Variants in PACRGL observed in about 807,000 individuals in gnomAD.
PACRGL encodes PACRG-like protein.
In PACRGL, 38 loss-of-function variants were observed where a neutral mutation model predicts 34.5. That is an observed-to-expected ratio of 1.10 (90% CI 0.85 to 1.44). The LOEUF is 1.44. Ranked by LOEUF, PACRGL falls within the 40% of genes most tolerant of loss-of-function variation. PACRGL has a pLI of 0.00. For missense variants in PACRGL, 305 were observed against 281.4 expected, an observed-to-expected ratio of 1.08 and a Z score of -0.60; for synonymous variants, 128 against 100.1, an observed-to-expected ratio of 1.28 and a Z score of -1.66.
At chr4:20,754,065 C>T (rs1754096512), downstream of PACRGL, among the ~76,000 whole-genome samples, 1 of 152,152 alleles carries the variant, frequency 6.6e-6, no homozygotes, top group Non-Finnish European at 1.5e-5. Context: ...AGCTTACACA[C>T]TAAAGCTTCT....
chr4:20,703,448 A>G (rs1384178528), intron 1 of PACRGL, among the ~76,000 whole-genome samples: 1 of 151,744 alleles, frequency 6.6e-6, no homozygotes, highest in African/African-American at 2.4e-5. Context: ...AGCTTGGCCT[A>G]AAAATACCAG....
chr4:20,700,793 C>T lies in PACRGL; in HGVS notation c.-17+6C>T, dbSNP rs1241207805. ...GTTAACCTTAATTGAAACTGGTAAA[C>T]TCCTCCCTCGGCCCCTTTAAAAAAT... is the stretch of plus-strand genomic sequence containing the variant. On this transcript the variant is annotated splice_donor_region_variant and intron_variant, in intron 1 of 8. Transcript: ENST00000503585. 1 of 152,128 alleles carries T rather than the reference C, an allele frequency of 6.6e-6. No homozygotes were observed. Among genetic ancestry groups the T allele is most frequent in the African/African-American group, 2.4e-5 (1 of 41,400 alleles). The allele number at this position is 152,128 out of a possible 1,614,324, so 9.4% of individuals were successfully genotyped here. A position where few individuals can be genotyped will look rare whatever the true frequency, so the allele number is the denominator to read the frequency against.
At chr4:20,720,410 G>A (rs563400354) in intron 7 of PACRGL, among the ~76,000 whole-genome samples, 1 of 152,200 alleles carries the variant, frequency 6.6e-6, no homozygotes. Context: ...AGTTGATGCA[G>A]TTTCTTCCTA....
At chr4:20,711,813 T>C (rs1395805730) in intron 5 of PACRGL, among the ~76,000 whole-genome samples, 1 of 152,192 alleles carries the variant, frequency 6.6e-6, no homozygotes, top group Non-Finnish European at 1.5e-5. Context: ...AGATATGATC[T>C]ACAGTTTTTT....
At chr4:20,751,644 A>G (rs1753658963) in intron 8 of PACRGL, among the ~76,000 whole-genome samples, 1 of 152,192 alleles carries the variant, frequency 6.6e-6, no homozygotes, top group Non-Finnish European at 1.5e-5. Context: ...AGCAAGCAGT[A>G]CTCACCATAA....
intron 7 of PACRGL, among the ~76,000 whole-genome samples, chr4:20,722,298 T>C (rs1743700024): frequency 6.6e-6 from 1 of 152,246 alleles, no homozygotes; most frequent in Admixed American, 6.5e-5. Context: ...CTCGCCCTGC[T>C]TCGGCTCACA....
At chr4:20,697,327 T>G (rs1731283584), upstream of PACRGL, among the ~76,000 whole-genome samples, 1 of 152,216 alleles carries the variant, frequency 6.6e-6, no homozygotes, top group South Asian at 2.1e-4. Flanking sequence ...TTACAAGAAT[T>G]AAGACAATAT....
At chr4:20,737,245 G>A (rs561568074), downstream of PACRGL, among the ~76,000 whole-genome samples, 1 of 152,252 alleles carries the variant, frequency 6.6e-6, no homozygotes, top group East Asian at 1.9e-4. Context: ...AGTTGCTAAA[G>A]AAGTGAGTCA....
At chr4:20,743,608 C>A (rs1305459000) in intron 8 of PACRGL, among the ~76,000 whole-genome samples, 3 of 152,100 alleles carry the variant, frequency 2.0e-5, no homozygotes, top group Non-Finnish European at 4.4e-5. Context: ...ACACTTTATA[C>A]AAAAATTAAT....
the PACRGL span, among the ~76,000 whole-genome samples, chr4:20,759,516 C>T: frequency 6.6e-6 from 1 of 152,084 alleles, no homozygotes; most frequent in Admixed American, 6.6e-5. Flanking sequence ...CCACCTTTGT[C>T]CCTGGGTCAA....
At chr4:20,714,274 A>G (rs1738715340) in intron 7 of PACRGL, among the ~76,000 whole-genome samples, 1 of 151,950 alleles carries the variant, frequency 6.6e-6, no homozygotes, top group Non-Finnish European at 1.5e-5. Context: ...GTCTCTTTTG[A>G]TCTTTGTTGG....
At position 20,713,425 on chromosome 4, in the gene PACRGL, C is replaced by T. The variant is rs775562543; in HGVS notation, c.502-7C>T. ...TCCATACATCCCCCAACTAACCAACCTTACAGGTCCATTCGGATGATGAAG... is the reference window on the plus strand; with the variant it reads ...TCCATACATCCCCCAACTAACCAACTTTACAGGTCCATTCGGATGATGAAG... On this transcript the variant is annotated splice_region_variant and splice_polypyrimidine_tract_variant and intron_variant, in intron 6 of 8. Transcript: ENST00000503585. 6.2e-7 allele frequency: 1 copy of T among 1,610,950 alleles called. No individual in the cohort carries two copies. The highest frequency in any genetic ancestry group is 8.5e-7 in the Non-Finnish European group (1 of 1,177,624).
At chr4:20,705,673 A>G (rs571275454) in intron 3 of PACRGL, among the ~76,000 whole-genome samples, 3 of 152,082 alleles carry the variant, frequency 2.0e-5, no homozygotes, top group Non-Finnish European at 4.4e-5. Context: ...TGACGCTTCA[A>G]TTTTCTTCCT....
intron 7 of PACRGL, among the ~76,000 whole-genome samples, chr4:20,717,017 A>T (rs903677934): frequency 6.6e-6 from 1 of 152,106 alleles, no homozygotes; most frequent in Admixed American, 6.5e-5. Context: ...CTTTTTAATG[A>T]TTGCCATTCT....
At chr4:20,712,557 G>T in intron 5 of PACRGL, 1 of 344,372 alleles carries the variant, frequency 2.9e-6, no homozygotes, top group Non-Finnish European at 5.2e-6. Flanking sequence ...CACGGGTTTT[G>T]GTATCCATTG....
At chr4:20,713,361 A>T in intron 6 of PACRGL, 71 bp from the exon 7 acceptor site, 1 of 1,192,264 alleles carries the variant, frequency 8.4e-7, no homozygotes, top group Non-Finnish European at 1.2e-6. Context: ...CTTTTTTCTA[A>T]CCTATCTTTT....
At chr4:20,733,784 C>T (rs28507765), downstream of PACRGL, among the ~76,000 whole-genome samples, 17,948 of 152,124 alleles carry the variant, frequency 0.12, 1,321 homozygotes, top group African/African-American at 0.2. Flanking sequence ...TAATTTGGCA[C>T]CCACTAGTGA....
intron 8 of PACRGL, among the ~76,000 whole-genome samples, chr4:20,743,511 C>A (rs544429605): frequency 5.5e-4 from 84 of 152,196 alleles, no homozygotes; most frequent in African/African-American, 1.9e-3. Flanking sequence ...CAGAAACAAG[C>A]AATGGGGAAA....
In PACRGL at chr4:20,729,871, T is replaced by TC. The variant is rs1289839442; in HGVS notation, c.*2534dup. 3 of 447,928 alleles carry TC rather than the reference T, an allele frequency of 6.7e-6. No homozygotes were observed. Among genetic ancestry groups the TC allele is most frequent in the Non-Finnish European group, 1.2e-5 (3 of 256,314 alleles). 27.7% of individuals were successfully genotyped at this position (447,928 alleles called of 1,614,324 possible). On this transcript the variant is annotated 3_prime_UTR_variant, in exon 9 of 9. Transcript: ENST00000503585. ...ACAGAGTATGAAATGAGTTAGACCA[T>TC]CCCCTGAACTCAGTGGCATTATGAA...
Sources: allele counts gnomAD v4.1 joint callset (sites outside exome capture counted in the v4.1 genomes callset), GRCh38; gene constraint gnomAD v4.1.1; transcripts MANE v1.5; gene names NCBI Gene and HGNC (gene_info 2026-07-23, HGNC 2026-07-21).